The following CCDC149 variants were observed in gnomAD, a reference collection of about 807,000 sequenced individuals.
The protein encoded by CCDC149 is coiled-coil domain containing 149.
A neutral mutation model predicts 59.9 loss-of-function variants in CCDC149; 45 were observed. The ratio of observed to expected loss-of-function variants is 0.75; its 90% CI spans 0.59 to 0.96. The LOEUF (loss-of-function observed/expected upper bound fraction) is 0.96, where lower values mean the gene tolerates loss of function less well. Ranked by LOEUF, CCDC149 falls within the 40% of genes least tolerant of loss-of-function variation. CCDC149 has a pLI of 0.00. For missense variants in CCDC149, 584 were observed against 664.7 expected, an observed-to-expected ratio of 0.88 and a Z score of 1.33; for synonymous variants, 245 against 260.6, an observed-to-expected ratio of 0.94 and a Z score of 0.58.
chr4:24,922,888 G>A (rs1263193028), intron 1 of CCDC149, among the ~76,000 whole-genome samples: 1 of 151,802 alleles, frequency 6.6e-6, no homozygotes, highest in Non-Finnish European at 1.5e-5. Context: ...GACCAAAAAT[G>A]TCTACAATTT....
chr4:24,876,647 G>T lies in CCDC149; in HGVS notation c.114C>A (p.Ile38=). ...GACAGGTGTCCAGCTCCTTGGAGAG[G>T]ATCAGCAGGGCTTCCTTCTTACTCT... is the stretch of plus-strand genomic sequence containing the variant. Residue 38 remains isoleucine, a synonymous_variant, in exon 2 of 13, where the codon ATC becomes ATA. Transcript: ENST00000635206. The T allele has an allele frequency of 6.2e-7, 1 of 1,613,998 alleles. No individual in the cohort carries two copies. Among genetic ancestry groups the T allele is most frequent in the Middle Eastern group, 1.7e-4 (1 of 6,060 alleles).
At chr4:24,805,699 G>A (rs1206375052), downstream of CCDC149, among the ~76,000 whole-genome samples, 2 of 152,142 alleles carry the variant, frequency 1.3e-5, no homozygotes, top group African/African-American at 4.8e-5. Flanking sequence ...GGTCTCATGC[G>A]ACCACAAGCC....
intron 3 of CCDC149, among the ~76,000 whole-genome samples, chr4:24,871,468 G>A (rs747525669): frequency 3.3e-5 from 5 of 152,120 alleles, no homozygotes; most frequent in African/African-American, 4.8e-5. Flanking sequence ...TCCCTATAAC[G>A]GGAAACACAC....
intron 1 of CCDC149, among the ~76,000 whole-genome samples, chr4:24,960,725 C>A (rs1304454887): frequency 6.6e-6 from 1 of 152,078 alleles, no homozygotes; most frequent in Non-Finnish European, 1.5e-5. Flanking sequence ...AATGTTTAAG[C>A]TTCGAATAAC....
chr4:24,874,240 A>ATT (rs1560230340), intron 2 of CCDC149, among the ~76,000 whole-genome samples: 1 of 85,686 alleles, frequency 1.2e-5, no homozygotes, highest in African/African-American at 5.8e-5. Flanking sequence ...GTCCTATTAG[A>ATT]TTTGTTTTTT....
intron 1 of CCDC149, among the ~76,000 whole-genome samples, chr4:24,878,014 C>T (rs1719572999): frequency 6.6e-6 from 1 of 152,174 alleles, no homozygotes; most frequent in Non-Finnish European, 1.5e-5. Context: ...TACACTCTGA[C>T]ATGAGTACTT....
intron 1 of CCDC149, among the ~76,000 whole-genome samples, chr4:24,943,227 A>G (rs1237217351): frequency 6.6e-6 from 1 of 152,242 alleles, no homozygotes. Context: ...CAGAGCCCTC[A>G]GAAATAATGC....
chr4:24,945,173 C>T (rs1723072411), intron 1 of CCDC149, among the ~76,000 whole-genome samples: 1 of 152,154 alleles, frequency 6.6e-6, no homozygotes, highest in East Asian at 1.9e-4. Context: ...TTGCACTACC[C>T]AGGTGTACTG....
chr4:24,938,751 C>T (rs535436908), intron 1 of CCDC149, among the ~76,000 whole-genome samples: 2 of 152,344 alleles, frequency 1.3e-5, no homozygotes, highest in East Asian at 1.9e-4. Flanking sequence ...GATTATATCC[C>T]GCACATGGCT....
downstream of CCDC149, among the ~76,000 whole-genome samples, chr4:24,804,814 G>A (rs1434574823): frequency 6.6e-6 from 1 of 152,186 alleles, no homozygotes; most frequent in Non-Finnish European, 1.5e-5. Flanking sequence ...CATCGTGATG[G>A]TGGTGCATGT....
At chr4:24,956,935 G>A (rs1723483948) in intron 1 of CCDC149, among the ~76,000 whole-genome samples, 1 of 152,208 alleles carries the variant, frequency 6.6e-6, no homozygotes, top group African/African-American at 2.4e-5. Flanking sequence ...ACTAGGCCTA[G>A]GCTACAGTAT....
intron 1 of CCDC149, among the ~76,000 whole-genome samples, chr4:24,899,947 C>T (rs1422640322): frequency 3.9e-5 from 6 of 152,144 alleles, no homozygotes; most frequent in African/African-American, 1.4e-4. Context: ...ATGTCTGTAC[C>T]TTTGCCATCT....
rs577985118 is a variant in CCDC149, at chr4:24,923,027, T to TC, written c.-64-27910dup. Among the ~76,000 whole-genome samples the TC allele has an allele frequency of 1.4e-4, 22 of 152,278 alleles. No individual in the cohort carries two copies. The East Asian group carries it at 4.2e-3, about 29-fold the overall frequency. ...AGCATCCTATATACTTGGGACTTTT[T>TC]CATCCATAAACCAATTTTTTAAAGA... On this transcript the variant is annotated intron_variant, in intron 1 of 12. Transcript: ENST00000389609.
At chr4:24,927,659 G>A (rs1026330726) in intron 1 of CCDC149, among the ~76,000 whole-genome samples, 3 of 152,008 alleles carry the variant, frequency 2.0e-5, no homozygotes, top group Admixed American at 6.6e-5. Flanking sequence ...GGAACTACTC[G>A]TATATTTGGC....
At chr4:24,962,675 T>C (rs138747655) in intron 1 of CCDC149, among the ~76,000 whole-genome samples, 2,830 of 151,910 alleles carry the variant, frequency 0.019, 84 homozygotes, top group African/African-American at 0.065. Context: ...TAGGTGGGAA[T>C]TGAATAATGA....
chr4:24,958,304 T>G (rs1723527695), intron 1 of CCDC149, among the ~76,000 whole-genome samples: 1 of 152,200 alleles, frequency 6.6e-6, no homozygotes. Context: ...CGGCAGTGCT[T>G]TATCATGATC....
chr4:24,935,600 G>A (rs913001810), intron 1 of CCDC149, among the ~76,000 whole-genome samples: 5 of 152,130 alleles, frequency 3.3e-5, no homozygotes, highest in Admixed American at 6.5e-5. Flanking sequence ...CTTCCATCAC[G>A]TGAGGACCGA....
At chr4:24,972,326 T>TCTTTC (rs1577514559) in intron 1 of CCDC149, among the ~76,000 whole-genome samples, 1 of 151,854 alleles carries the variant, frequency 6.6e-6, no homozygotes, top group Non-Finnish European at 1.5e-5. Context: ...TCTTTTCTTT[T>TCTTTC]TTGAGACAAG....
chr4:24,892,094 AC>A (rs985635684), intron 1 of CCDC149, among the ~76,000 whole-genome samples: 17 of 152,238 alleles, frequency 1.1e-4, no homozygotes, highest in African/African-American at 3.9e-4. Flanking sequence ...GTCCAGGCTG[AC>A]CATTCCAAAA....
Sources: gnomAD v4.1 joint callset for allele counts (sites outside exome capture counted in the v4.1 genomes callset) on GRCh38, gnomAD v4.1.1 for gene constraint, MANE v1.5 for transcripts, NCBI Gene and HGNC (gene_info 2026-07-23, HGNC 2026-07-21) for gene names.